Variants in DNAJB6 observed in about 807,000 individuals in gnomAD.
DNAJB6 encodes dnaJ homolog subfamily B member 6.
Under a neutral mutation model 42.7 loss-of-function variants are expected in DNAJB6, and 16 were observed. The ratio of observed to expected loss-of-function variants is 0.37; its 90% confidence interval spans 0.25 to 0.57. The LOEUF (loss-of-function observed/expected upper bound fraction) is 0.57, where lower values mean the gene tolerates loss of function less well. Among genes scored for constraint, DNAJB6 ranks in the 20% least tolerant of loss-of-function variants. The pLI is 0.74. For synonymous variants in DNAJB6, 170 were observed against 163.5 expected, an observed-to-expected ratio of 1.04 and a Z score of -0.30; for missense variants, 347 against 416.8, an observed-to-expected ratio of 0.83 and a Z score of 1.46.
Position 157,382,370 on chromosome 7 carries a change from T to G in DNAJB6, c.471T>G (p.Phe157Leu). Residue 157 changes from phenylalanine (F) to leucine (L), a missense_variant, in exon 6 of 10, where the codon TTT becomes TTG. Transcript: ENST00000262177. ...CTTTTGGAAGTGGATTTTCTTCTTTTGATACAGGTATTAAATCCCTAGGTT... is the reference window on the plus strand; with the variant it reads ...CTTTTGGAAGTGGATTTTCTTCTTTGGATACAGGTATTAAATCCCTAGGTT... ...FPSFGSGFSS[F>L]DTGFTSFGSL... The G allele has an allele frequency of 1.2e-6, 2 of 1,609,504 alleles. No individual in the cohort carries two copies. Among genetic ancestry groups the G allele is most frequent in the Non-Finnish European group, 1.7e-6 (2 of 1,179,386 alleles).
intron 1 of DNAJB6, among the ~76,000 whole-genome samples, chr7:157,347,091 G>T (rs527842619): frequency 2.0e-5 from 3 of 152,066 alleles, no homozygotes; most frequent in Non-Finnish European, 2.9e-5. Context: ...TCCTGACCTC[G>T]TGATTCGCCT....
At chr7:157,406,792 G>C (rs1795782694) in intron 8 of DNAJB6, among the ~76,000 whole-genome samples, 1 of 152,266 alleles carries the variant, frequency 6.6e-6, no homozygotes, top group Non-Finnish European at 1.5e-5. Flanking sequence ...GGACGCTGCA[G>C]GTGTCTTCAA....
At chr7:157,366,036 C>A (rs145253828) in intron 3 of DNAJB6, among the ~76,000 whole-genome samples, 1 of 151,800 alleles carries the variant, frequency 6.6e-6, no homozygotes, top group Non-Finnish European at 1.5e-5. Flanking sequence ...CCACAAACTC[C>A]GCCTCCCGGG....
chr7:157,337,956 G>C (rs1317408749), intron 1 of DNAJB6: 1 of 152,160 alleles, frequency 6.6e-6, no homozygotes, highest in Non-Finnish European at 1.5e-5. Flanking sequence ...AGGAAACAGC[G>C]CAAGTAGAAC....
chr7:157,350,421 G>A (rs910602277), intron 1 of DNAJB6, among the ~76,000 whole-genome samples: 7 of 152,158 alleles, frequency 4.6e-5, no homozygotes, highest in African/African-American at 1.7e-4. Flanking sequence ...AGGACCAAAG[G>A]GTGAAAATTC....
At chr7:157,403,597 G>A (rs1371104131) in intron 8 of DNAJB6, among the ~76,000 whole-genome samples, 1 of 152,182 alleles carries the variant, frequency 6.6e-6, no homozygotes, top group Non-Finnish European at 1.5e-5. Context: ...TCAGCCTCCT[G>A]AGTAGCTGGG....
intron 1 of DNAJB6, among the ~76,000 whole-genome samples, chr7:157,354,128 C>T (rs550274642): frequency 1.3e-5 from 2 of 152,100 alleles, no homozygotes; most frequent in African/African-American, 4.8e-5. Context: ...ATAATCTACA[C>T]ATTTATTCAT....
At chr7:157,369,836 T>TAATGTTATTATTA (rs1349874984) in intron 5 of DNAJB6, among the ~76,000 whole-genome samples, 5 of 150,062 alleles carry the variant, frequency 3.3e-5, no homozygotes, top group African/African-American at 7.5e-5. Context: ...AGGCCTTTCA[T>TAATGTTATTATTA]AACGTTATTA....
intron 1 of DNAJB6, among the ~76,000 whole-genome samples, chr7:157,346,963 C>A (rs1039456750): frequency 6.6e-6 from 1 of 152,242 alleles, no homozygotes; most frequent in Non-Finnish European, 1.5e-5. Flanking sequence ...TCACACCGTT[C>A]TCCTGCCTCA....
chr7:157,364,382 G>T (rs549932331), intron 3 of DNAJB6, among the ~76,000 whole-genome samples: 1 of 152,108 alleles, frequency 6.6e-6, no homozygotes, highest in African/African-American at 2.4e-5. Flanking sequence ...TAAAAACACC[G>T]ATATTTGAAG....
At chr7:157,366,214 G>A (rs776185730) in intron 3 of DNAJB6, among the ~76,000 whole-genome samples, 1 of 152,104 alleles carries the variant, frequency 6.6e-6, no homozygotes, top group Non-Finnish European at 1.5e-5. Flanking sequence ...GCCTCCCAAA[G>A]TGGTGGGATT....
rs150594305 is a variant in DNAJB6 at position 157,351,127 on chromosome 7, T to G, written c.-26-7420T>G. Among the ~76,000 whole-genome samples, 363 of 151,642 alleles carry G rather than the reference T, an allele frequency of 2.4e-3. 10 individuals are homozygous for G. In the East Asian group the frequency reaches 0.055, roughly 23 times the overall value. Reference sequence around the variant, plus strand: ...TTTTGTATTTTTAGTAGAGACAGAGTTTCTCCATGTTGGTCAGGCTGGTCT... The same window carrying G: ...TTTTGTATTTTTAGTAGAGACAGAGGTTCTCCATGTTGGTCAGGCTGGTCT... On this transcript the variant is annotated intron_variant, in intron 1 of 9. Coordinates refer to ENST00000262177, the MANE Select transcript of DNAJB6 (RefSeq NM_058246.4).
chr7:157,415,883 T>G, intron 9 of DNAJB6, 133 bp from the exon 10 acceptor site: 4 of 1,520,314 alleles, frequency 2.6e-6, no homozygotes, highest in Non-Finnish European at 3.6e-6. Context: ...GAGGTTTAGC[T>G]GTGGCCAAGA....
chr7:157,349,055 T>C (rs999239600), intron 1 of DNAJB6, among the ~76,000 whole-genome samples: 17 of 152,176 alleles, frequency 1.1e-4, no homozygotes, highest in African/African-American at 4.1e-4. Context: ...TTTTTTTTAT[T>C]TTTTGTGTAG....
intron 5 of DNAJB6, among the ~76,000 whole-genome samples, chr7:157,374,714 T>C (rs1371446792): frequency 6.6e-6 from 1 of 152,210 alleles, no homozygotes; most frequent in Admixed American, 6.5e-5. Flanking sequence ...AAATGGTTCC[T>C]GGAAACGGTC....
intron 1 of DNAJB6, among the ~76,000 whole-genome samples, chr7:157,341,989 C>T (rs748358539): frequency 6.6e-6 from 1 of 152,088 alleles, no homozygotes; most frequent in Non-Finnish European, 1.5e-5. Flanking sequence ...GCCTCAGCCT[C>T]CCTGGTAGCT....
At chr7:157,409,681 G>A (rs1408273101) in intron 8 of DNAJB6, 114 bp from the exon 9 acceptor site, 2 of 1,186,898 alleles carry the variant, frequency 1.7e-6, no homozygotes, top group African/African-American at 1.6e-5. Context: ...CCTGCCCGGA[G>A]ATGGCGCGTC....
intron 1 of DNAJB6, among the ~76,000 whole-genome samples, chr7:157,338,578 C>A (rs1378953783): frequency 6.6e-6 from 1 of 152,206 alleles, no homozygotes; most frequent in African/African-American, 2.4e-5. Flanking sequence ...AAAGTGATCG[C>A]CTGCCTCGGC....
intron 9 of DNAJB6, chr7:157,410,224 C>T: frequency 8.8e-7 from 1 of 1,131,650 alleles, no homozygotes; most frequent in Non-Finnish European, 1.2e-6. Flanking sequence ...ACGGGGTCCG[C>T]GTGTCCTGTA....
Sources: allele counts gnomAD v4.1 joint callset (sites outside exome capture counted in the v4.1 genomes callset), GRCh38; gene constraint gnomAD v4.1.1; transcripts MANE v1.5; gene names NCBI Gene and HGNC (gene_info 2026-07-23, HGNC 2026-07-21).